The following NLK variants were observed in gnomAD, a reference collection of about 807,000 sequenced individuals.
The protein encoded by NLK is serine/threonine-protein kinase NLK.
In NLK, 11 loss-of-function variants were observed where a neutral mutation model predicts 59.0. The ratio of observed to expected loss-of-function variants is 0.19; its 90% confidence interval spans 0.12 to 0.31. The LOEUF (loss-of-function observed/expected upper bound fraction) is 0.31. Ranked by LOEUF, NLK falls within the 10% of genes least tolerant of loss-of-function variation. The pLI is 1.00. For missense variants in NLK, 410 were observed against 661.1 expected (o/e 0.62, Z 4.16); for synonymous variants, 235 against 235.9 (o/e 1.00, Z 0.03).
chr17:28,087,824 A>T (rs922585946), intron 1 of NLK, among the ~76,000 whole-genome samples: 10 of 151,168 alleles, frequency 6.6e-5, no homozygotes, highest in Non-Finnish European at 1.0e-4. Context: ...TGGTCCTGTG[A>T]ATCTGTAACC....
In NLK at chr17:28,043,221, C is replaced by T. The variant is rs1269886013; in HGVS notation, c.348C>T (p.Ala116=). 1.9e-6 allele frequency: 3 copies of T among 1,613,720 alleles called. No homozygotes were observed. Among genetic ancestry groups the T allele is most frequent in the African/African-American group, 1.3e-5 (1 of 74,868 alleles). ...CAGCCCCAGCTCAGGTACAGGCTGC[C>T]GCAGCTGCTACAGTTAAGGCGCACC... ...AAAAPAQVQA[A]AAATVKAHHH... is the part of the protein sequence containing the mutation. Residue 116 remains alanine (A), a synonymous_variant, in exon 1 of 11, where the codon GCC becomes GCT. Coordinates refer to ENST00000407008, the MANE Select transcript of NLK (RefSeq NM_016231.5).
At chr17:28,164,369 CAAAA>C (rs962344405) in intron 5 of NLK, among the ~76,000 whole-genome samples, 3 of 61,396 alleles carry the variant, frequency 4.9e-5, no homozygotes, top group Admixed American at 1.5e-4. Context: ...GACCCTGTCT[CAAAA>C]AAAAAAAAAA....
At position 28,069,921 on chromosome 17, in the gene NLK, CA is replaced by C. The variant is rs1396881250; in HGVS notation, c.458+26591del. On this transcript the variant is annotated intron_variant, in intron 1 of 10. Coordinates refer to ENST00000407008, the MANE Select transcript of NLK (RefSeq NM_016231.5). ...TCAACTTTTTCTTTTATTATTAGTA[CA>C]TTTTTTGGTTCAGTATAAGAAATCT... 3.3e-5 allele frequency among the ~76,000 whole-genome samples: 5 copies of C among 152,154 alleles called. No homozygotes were observed. In the East Asian group the frequency reaches 9.7e-4, roughly 29 times the overall value.
chr17:28,146,532 G>A (rs1240274452), intron 3 of NLK, among the ~76,000 whole-genome samples: 1 of 152,110 alleles, frequency 6.6e-6, no homozygotes, highest in Non-Finnish European at 1.5e-5. Flanking sequence ...TTTTATAAAT[G>A]CAGGAACAGA....
intron 1 of NLK, among the ~76,000 whole-genome samples, chr17:28,109,709 A>G (rs1443671681): frequency 6.6e-6 from 1 of 152,206 alleles, no homozygotes; most frequent in African/African-American, 2.4e-5. Context: ...GTATAGATGT[A>G]TCATAGTTTA....
chr17:28,056,463 T>C (rs1454112763), intron 1 of NLK, among the ~76,000 whole-genome samples: 1 of 152,104 alleles, frequency 6.6e-6, no homozygotes, highest in Non-Finnish European at 1.5e-5. Flanking sequence ...TAAATGCCTA[T>C]TGAAAATGGA....
chr17:28,096,588 T>C (rs1371882347), intron 1 of NLK, among the ~76,000 whole-genome samples: 2 of 152,162 alleles, frequency 1.3e-5, no homozygotes, highest in Non-Finnish European at 2.9e-5. Flanking sequence ...AATATTGGAA[T>C]CCTGACACCT....
intron 2 of NLK, among the ~76,000 whole-genome samples, chr17:28,127,185 A>G (rs1906324309): frequency 6.6e-6 from 1 of 152,172 alleles, no homozygotes; most frequent in Non-Finnish European, 1.5e-5. Context: ...AAGTGACAGA[A>G]AAAAAGAAAT....
At chr17:28,073,801 T>C (rs138967789) in intron 1 of NLK, among the ~76,000 whole-genome samples, 2 of 152,328 alleles carry the variant, frequency 1.3e-5, no homozygotes, top group Admixed American at 1.3e-4. Context: ...AATTACTCTT[T>C]TACGTTTGTT....
At position 28,156,299 on chromosome 17, in the gene NLK, T is replaced by C. The variant is rs780135415; in HGVS notation, c.645-4861T>C. ...AAAGGAGGGCTGGAGTATTTTAAAG[T>C]AGATAACCAAACATCACATTATTCC... On this transcript the variant is annotated intron_variant, in intron 3 of 10. Coordinates refer to ENST00000407008, the MANE Select transcript of NLK (RefSeq NM_016231.5). Among the ~76,000 whole-genome samples the C allele has an allele frequency of 2.0e-4, 31 of 152,290 alleles. 1 individual carries two copies. Among genetic ancestry groups the C allele is most frequent in the Non-Finnish European group, 2.1e-4 (14 of 68,016 alleles).
intron 1 of NLK, among the ~76,000 whole-genome samples, chr17:28,052,963 A>G (rs1909312775): frequency 7.3e-6 from 1 of 136,262 alleles, no homozygotes; most frequent in Non-Finnish European, 1.5e-5. Flanking sequence ...TTTTGTGGAG[A>G]TGGGGTCTCA....
chr17:28,097,190 C>A (rs570170500), intron 1 of NLK, among the ~76,000 whole-genome samples: 32 of 152,166 alleles, frequency 2.1e-4, no homozygotes, highest in African/African-American at 7.0e-4. Context: ...ATTGTATAAC[C>A]TCTGAAGGCA....
chr17:28,144,872 G>A (rs1367014818), intron 3 of NLK, among the ~76,000 whole-genome samples: 1 of 152,200 alleles, frequency 6.6e-6, no homozygotes, highest in Non-Finnish European at 1.5e-5. Flanking sequence ...TCATAGACCA[G>A]CTGAGTCTCC....
At chr17:28,134,185 C>T (rs1039666889) in intron 3 of NLK, among the ~76,000 whole-genome samples, 1 of 152,034 alleles carries the variant, frequency 6.6e-6, no homozygotes, top group Non-Finnish European at 1.5e-5. Context: ...ATCACTTGAG[C>T]CCAGGAGTTG....
intron 1 of NLK, among the ~76,000 whole-genome samples, chr17:28,050,847 G>A (rs528015236): frequency 6.6e-6 from 1 of 152,264 alleles, no homozygotes; most frequent in South Asian, 2.1e-4. Context: ...GTTCACACCT[G>A]TAAACCCAGC....
intron 1 of NLK, among the ~76,000 whole-genome samples, chr17:28,054,593 A>G (rs1909373447): frequency 6.6e-6 from 1 of 152,238 alleles, no homozygotes. Context: ...TACAGGGATT[A>G]AATTATACTC....
intron 2 of NLK, among the ~76,000 whole-genome samples, chr17:28,127,105 T>TG (rs1304633316): frequency 6.6e-6 from 1 of 152,206 alleles, no homozygotes; most frequent in East Asian, 1.9e-4. Flanking sequence ...GACATTTTTC[T>TG]TGTCTTTAGA....
At chr17:28,121,630 T>C (rs1906063962) in intron 1 of NLK, among the ~76,000 whole-genome samples, 1 of 149,276 alleles carries the variant, frequency 6.7e-6, no homozygotes, top group Admixed American at 6.8e-5. Context: ...GCCTCCCAAG[T>C]AGCTGGGATT....
At chr17:28,096,163 A>C (rs1165333366) in intron 1 of NLK, among the ~76,000 whole-genome samples, 1 of 152,210 alleles carries the variant, frequency 6.6e-6, no homozygotes, top group African/African-American at 2.4e-5. Context: ...AAATAATAGT[A>C]ATTATTTAAC....
Sources: gnomAD v4.1 joint callset for allele counts (sites outside exome capture counted in the v4.1 genomes callset) on GRCh38, gnomAD v4.1.1 for gene constraint, MANE v1.5 for transcripts, NCBI Gene and HGNC (gene_info 2026-07-23, HGNC 2026-07-21) for gene names.